The following TAS2R1 variants were observed in gnomAD, a reference collection of about 807,000 sequenced individuals.
TAS2R1 encodes the protein taste 2 receptor member 1.
For synonymous variants in TAS2R1, 141 were observed against 134.2 expected (o/e 1.05, Z -0.35); for missense variants, 370 against 353.4 (o/e 1.05, Z -0.38).
upstream of TAS2R1, among the ~76,000 whole-genome samples, chr5:9,634,841 T>A (rs188515574): frequency 2.4e-4 from 36 of 152,216 alleles, no homozygotes; most frequent in African/African-American, 7.9e-4. Context: ...CTAGGAGCTT[T>A]TTTGATATGT....
chr5:9,752,722 C>T, the TAS2R1 span, among the ~76,000 whole-genome samples: 3 of 151,604 alleles, frequency 2.0e-5, no homozygotes, highest in Non-Finnish European at 2.9e-5. Flanking sequence ...CAATAGGCCC[C>T]GGTGTGTGAT....
chr5:9,678,858 T>C (rs779539354), intron 1 of TAS2R1, among the ~76,000 whole-genome samples: 1 of 152,144 alleles, frequency 6.6e-6, no homozygotes. Context: ...TGGGTTGATG[T>C]GTGCAGCGAA....
the TAS2R1 span, among the ~76,000 whole-genome samples, chr5:9,877,827 C>T: frequency 6.6e-6 from 1 of 152,192 alleles, no homozygotes; most frequent in Non-Finnish European, 1.5e-5. Flanking sequence ...GTTCTTTCTT[C>T]TTCCTCTTCT....
At chr5:9,767,095 T>C in the TAS2R1 span, among the ~76,000 whole-genome samples, 1 of 152,148 alleles carries the variant, frequency 6.6e-6, no homozygotes, top group South Asian at 2.1e-4. Flanking sequence ...GCCTACCCAA[T>C]GGATCCACTG....
the TAS2R1 span, among the ~76,000 whole-genome samples, chr5:9,827,596 ATG>A: frequency 6.1e-5 from 5 of 81,868 alleles, no homozygotes; most frequent in East Asian, 1.9e-3. Flanking sequence ...GTGTGGTGGC[ATG>A]CACACACACA....
the TAS2R1 span, among the ~76,000 whole-genome samples, chr5:9,803,303 G>A: frequency 6.6e-6 from 1 of 152,188 alleles, no homozygotes; most frequent in Non-Finnish European, 1.5e-5. Context: ...AAATCTAAAA[G>A]TTTGGAAAAT....
the TAS2R1 span, among the ~76,000 whole-genome samples, chr5:9,869,719 G>T: frequency 6.6e-6 from 1 of 152,334 alleles, no homozygotes; most frequent in Non-Finnish European, 1.5e-5. Context: ...CTAGATTGTT[G>T]AAAGTTTGCA....
rs1002439312 is a variant in TAS2R1 at position 9,630,217 on chromosome 5, C to G, written c.-185G>C. ...CTGCTTTCTCTATTTAGTTCTGAGA[C>G]AGTCAAATAAGGAGGAGATACTCTA... On this transcript the variant is annotated 5_prime_UTR_variant, in exon 1 of 1. Transcript: ENST00000382492. 1.3e-5 allele frequency: 6 copies of G among 468,200 alleles called. No homozygotes were observed. The highest frequency in any genetic ancestry group is 1.2e-4 in the African/African-American group (6 of 50,438). 29.0% of individuals were successfully genotyped at this position (468,200 alleles called of 1,614,324 possible).
At chr5:9,692,954 C>A (rs544793860) in intron 1 of TAS2R1, among the ~76,000 whole-genome samples, 34 of 152,220 alleles carry the variant, frequency 2.2e-4, no homozygotes, top group African/African-American at 7.9e-4. Context: ...TTATCTCTCT[C>A]TATGGAGTTT....
At chr5:9,639,677 A>G (rs1417982451) in intron 2 of TAS2R1, among the ~76,000 whole-genome samples, 1 of 152,178 alleles carries the variant, frequency 6.6e-6, no homozygotes, top group East Asian at 1.9e-4. Flanking sequence ...AAATCTTCTG[A>G]ATTGCTGCAG....
the TAS2R1 span, among the ~76,000 whole-genome samples, chr5:9,754,999 CATAG>C: frequency 6.6e-6 from 1 of 152,150 alleles, no homozygotes; most frequent in South Asian, 2.1e-4. Flanking sequence ...TCTTGTCTAA[CATAG>C]ATAGTCTTCC....
the TAS2R1 span, among the ~76,000 whole-genome samples, chr5:9,878,901 G>A: frequency 6.6e-6 from 1 of 152,214 alleles, no homozygotes; most frequent in Non-Finnish European, 1.5e-5. Flanking sequence ...TTTTGTATGA[G>A]GTTTGGAGTG....
At chr5:9,818,320 T>C in the TAS2R1 span, among the ~76,000 whole-genome samples, 4 of 152,182 alleles carry the variant, frequency 2.6e-5, no homozygotes, top group Non-Finnish European at 4.4e-5. Flanking sequence ...GAGTCAGAGA[T>C]TTGGGCGACA....
the TAS2R1 span, among the ~76,000 whole-genome samples, chr5:9,855,183 G>A: frequency 2.6e-5 from 4 of 152,172 alleles, no homozygotes; most frequent in African/African-American, 9.6e-5. Flanking sequence ...CCCTCACATA[G>A]GAAACTTGTT....
chr5:9,901,183 C>A, the TAS2R1 span, among the ~76,000 whole-genome samples: 1 of 150,036 alleles, frequency 6.7e-6, no homozygotes, highest in Non-Finnish European at 1.5e-5. Context: ...AACACCAGAA[C>A]AAATGGCTGT....
At chr5:9,730,310 T>A in the TAS2R1 span, among the ~76,000 whole-genome samples, 6 of 152,210 alleles carry the variant, frequency 3.9e-5, no homozygotes, top group African/African-American at 1.2e-4. Context: ...CACAGTGAAC[T>A]GGCAAGTAGG....
intron 1 of TAS2R1, among the ~76,000 whole-genome samples, chr5:9,697,694 A>T (rs1195450953): frequency 6.6e-6 from 1 of 152,206 alleles, no homozygotes; most frequent in Admixed American, 6.5e-5. Context: ...TGTTCAAAGA[A>T]TTTCAAAACT....
At chr5:9,798,539 C>T in the TAS2R1 span, among the ~76,000 whole-genome samples, 3 of 152,150 alleles carry the variant, frequency 2.0e-5, no homozygotes, top group African/African-American at 7.2e-5. Flanking sequence ...TTAATGGCAT[C>T]ACTACAAGGA....
At chr5:9,850,903 C>A in the TAS2R1 span, among the ~76,000 whole-genome samples, 1 of 152,164 alleles carries the variant, frequency 6.6e-6, no homozygotes, top group Non-Finnish European at 1.5e-5. Context: ...ATTAAAGAGT[C>A]CCAGACCTGG....
Sources: allele counts gnomAD v4.1 joint callset (sites outside exome capture counted in the v4.1 genomes callset), GRCh38; gene constraint gnomAD v4.1.1; transcripts MANE v1.5; gene names NCBI Gene and HGNC (gene_info 2026-07-23, HGNC 2026-07-21).